EYS: variants seen among roughly 807,000 people sequenced by gnomAD.
EYS encodes EGF-like photoreceptor maintenance factor, also known as protein eyes shut homolog.
In EYS, 250 loss-of-function variants were observed where a neutral mutation model predicts 282.1. That is an observed-to-expected ratio of 0.89 (90% CI 0.80 to 0.98). EYS has a LOEUF of 0.98. Among genes scored for constraint, EYS ranks in the 50% least tolerant of loss-of-function variants. EYS has a pLI of 0.00. For missense variants in EYS, 4,016 were observed against 3,709.0 expected (o/e 1.08, Z -2.15); for synonymous variants, 1,355 against 1,282.9 (o/e 1.06, Z -1.20).
At chr6:65,588,097 T>C (rs1765115691) in intron 2 of EYS, among the ~76,000 whole-genome samples, 1 of 152,096 alleles carries the variant, frequency 6.6e-6, no homozygotes, top group South Asian at 2.1e-4. Flanking sequence ...AGTGATTAAA[T>C]TCTAAAATCC....
chr6:63,753,032 C>A (rs1457532654), intron 41 of EYS, among the ~76,000 whole-genome samples: 2 of 150,670 alleles, frequency 1.3e-5, no homozygotes, highest in African/African-American at 4.9e-5. Context: ...TTCTTCCTGT[C>A]CCTTCTTAAT....
At chr6:64,136,941 T>G (rs543620382) in intron 31 of EYS, among the ~76,000 whole-genome samples, 62 of 152,292 alleles carry the variant, frequency 4.1e-4, no homozygotes, top group African/African-American at 1.4e-3. Flanking sequence ...AGCCAGAAAT[T>G]AATTTCTTTG....
At chr6:63,996,112 G>A (rs556787440) in intron 34 of EYS, among the ~76,000 whole-genome samples, 4 of 151,754 alleles carry the variant, frequency 2.6e-5, no homozygotes, top group Admixed American at 1.3e-4. Flanking sequence ...AAAGGAAAAC[G>A]ATATATGTGT....
chr6:64,176,147 T>C (rs1210121857), intron 31 of EYS, among the ~76,000 whole-genome samples: 2 of 151,982 alleles, frequency 1.3e-5, no homozygotes, highest in African/African-American at 4.8e-5. Context: ...AGGGTCCATA[T>C]GGTCCAGTGG....
chr6:64,183,919 A>G (rs892371054), intron 31 of EYS, among the ~76,000 whole-genome samples: 8 of 152,032 alleles, frequency 5.3e-5, no homozygotes, highest in African/African-American at 1.4e-4. Context: ...TTTTTAAAAA[A>G]TTTTGTAACG....
At chr6:65,617,785 G>A (rs1231923428) in intron 2 of EYS, among the ~76,000 whole-genome samples, 4 of 146,766 alleles carry the variant, frequency 2.7e-5, no homozygotes, top group African/African-American at 1.0e-4. Context: ...TTCCACCAAT[G>A]AGTGAGAATA....
At chr6:64,973,514 C>A (rs1416663233) in intron 14 of EYS, among the ~76,000 whole-genome samples, 4 of 152,136 alleles carry the variant, frequency 2.6e-5, no homozygotes, top group Admixed American at 6.5e-5. Context: ...TTACTTTTCT[C>A]TCTCTCTAAG....
chr6:64,136,577 T>G (rs1370468025), intron 31 of EYS, among the ~76,000 whole-genome samples: 1 of 152,130 alleles, frequency 6.6e-6, no homozygotes, highest in Admixed American at 6.6e-5. Flanking sequence ...GACTGCAGAA[T>G]GGATGTTGTA....
intron 1 of EYS, among the ~76,000 whole-genome samples, chr6:65,660,844 G>C (rs1220136488): frequency 6.6e-6 from 1 of 151,648 alleles, no homozygotes; most frequent in Non-Finnish European, 1.5e-5. Context: ...AGCACCTCAG[G>C]ACTCATAGTG....
intron 37 of EYS, among the ~76,000 whole-genome samples, chr6:63,803,232 G>T (rs564245451): frequency 6.6e-6 from 1 of 150,668 alleles, no homozygotes; most frequent in Admixed American, 6.6e-5. Flanking sequence ...ATATTCATTT[G>T]AAGTTTTCAT....
intron 13 of EYS, among the ~76,000 whole-genome samples, chr6:65,053,999 A>C (rs912367787): frequency 6.6e-6 from 1 of 152,010 alleles, no homozygotes; most frequent in Non-Finnish European, 1.5e-5. Context: ...ATTTAATCAG[A>C]AAACAAAGAG....
At chr6:65,635,399 C>T (rs1255660361) in intron 2 of EYS, among the ~76,000 whole-genome samples, 1 of 152,140 alleles carries the variant, frequency 6.6e-6, no homozygotes, top group East Asian at 1.9e-4. Context: ...CCACCCCGCC[C>T]CATCTTGCCT....
At chr6:63,909,442 C>T (rs1773861331) in intron 35 of EYS, among the ~76,000 whole-genome samples, 1 of 152,148 alleles carries the variant, frequency 6.6e-6, no homozygotes, top group Admixed American at 6.5e-5. Context: ...GATAATTTGG[C>T]TAATACATTC....
At chr6:65,326,344 A>T (rs1858645) in intron 11 of EYS, among the ~76,000 whole-genome samples, 29,926 of 150,984 alleles carry the variant, frequency 0.2, 3,276 homozygotes, top group Middle Eastern at 0.27. Flanking sequence ...AAATGGTGTA[A>T]TTTTTTTCTA....
intron 22 of EYS, among the ~76,000 whole-genome samples, chr6:64,702,503 CAATT>C (rs2149925408): frequency 6.6e-6 from 1 of 152,062 alleles, no homozygotes; most frequent in African/African-American, 2.4e-5. Flanking sequence ...TTTATGTAAT[CAATT>C]CAGAACATCG....
intron 35 of EYS, among the ~76,000 whole-genome samples, chr6:63,875,145 C>G (rs1405074582): frequency 6.6e-6 from 1 of 152,188 alleles, no homozygotes; most frequent in African/African-American, 2.4e-5. Context: ...AGATATGTCC[C>G]ATCAATACCT....
intron 13 of EYS, among the ~76,000 whole-genome samples, chr6:65,035,583 A>C (rs1176177097): frequency 6.6e-6 from 1 of 152,090 alleles, no homozygotes; most frequent in Admixed American, 6.6e-5. Flanking sequence ...TTGGGTTCAC[A>C]ATAGCCATAC....
chr6:65,169,398 T>C (rs980709711), intron 12 of EYS, among the ~76,000 whole-genome samples: 5 of 151,476 alleles, frequency 3.3e-5, no homozygotes, highest in Non-Finnish European at 7.4e-5. Flanking sequence ...AAATATTTAA[T>C]TGCTATATCT....
intron 26 of EYS, among the ~76,000 whole-genome samples, chr6:64,482,763 G>A (rs1243019355): frequency 6.6e-6 from 1 of 151,626 alleles, no homozygotes; most frequent in African/African-American, 2.4e-5. Context: ...TGCATCTGGT[G>A]GGAACTAACA....
Sources: allele counts gnomAD v4.1 joint callset (sites outside exome capture counted in the v4.1 genomes callset), GRCh38; gene constraint gnomAD v4.1.1; transcripts MANE v1.5; gene names NCBI Gene and HGNC (gene_info 2026-07-23, HGNC 2026-07-21).